The following GALNT13 variants were observed in gnomAD, a reference collection of about 807,000 sequenced individuals.
The protein encoded by GALNT13 is UDP-GalNAc:polypeptide N-acetylgalactosaminyltransferase 13.
A neutral mutation model predicts 64.2 loss-of-function variants in GALNT13; 28 were observed. That is an observed-to-expected ratio of 0.44 (90% CI 0.32 to 0.60). GALNT13 has a LOEUF of 0.60. GALNT13 is among the 20% of genes least tolerant of loss of function. GALNT13 has a pLI of 0.05. For synonymous variants in GALNT13, 214 were observed against 224.6 expected, an observed-to-expected ratio of 0.95 and a Z score of 0.42; for missense variants, 577 against 669.8, an observed-to-expected ratio of 0.86 and a Z score of 1.53.
intron 3 of GALNT13, among the ~76,000 whole-genome samples, chr2:153,997,378 T>G (rs535495781): frequency 1.4e-3 from 212 of 152,268 alleles, no homozygotes; most frequent in Admixed American, 2.2e-3. Flanking sequence ...TAGTTTTTGT[T>G]GTAGTGATCC....
the GALNT13 span, among the ~76,000 whole-genome samples, chr2:153,845,902 A>G: frequency 6.6e-6 from 1 of 152,162 alleles, no homozygotes; most frequent in Non-Finnish European, 1.5e-5. Flanking sequence ...AATAAGAGCA[A>G]AGCTGGTTTC....
intron 7 of GALNT13, among the ~76,000 whole-genome samples, chr2:154,253,723 T>C (rs1160057093): frequency 2.0e-5 from 3 of 152,218 alleles, no homozygotes; most frequent in Admixed American, 6.5e-5. Context: ...AAATCATCTT[T>C]GTTACTCATC....
the GALNT13 span, among the ~76,000 whole-genome samples, chr2:153,842,106 A>G: frequency 2.0e-5 from 3 of 152,100 alleles, no homozygotes; most frequent in African/African-American, 7.2e-5. Flanking sequence ...TGCTATTGAA[A>G]AAAAGTATAA....
At chr2:153,858,879 C>G in the GALNT13 span, among the ~76,000 whole-genome samples, 1 of 152,002 alleles carries the variant, frequency 6.6e-6, no homozygotes, top group East Asian at 1.9e-4. Context: ...ATTACAGGTG[C>G]CTGCCACCAT....
At chr2:153,349,647 C>G in the GALNT13 span, among the ~76,000 whole-genome samples, 1 of 152,092 alleles carries the variant, frequency 6.6e-6, no homozygotes, top group Admixed American at 6.6e-5. Context: ...TGTATACTGC[C>G]AATGTGGAAT....
At chr2:153,437,446 A>T in the GALNT13 span, among the ~76,000 whole-genome samples, 1 of 151,984 alleles carries the variant, frequency 6.6e-6, no homozygotes, top group African/African-American at 2.4e-5. Flanking sequence ...TCCCACTATT[A>T]TTGTGTGGGA....
At chr2:154,167,077 G>A (rs1685073442) in intron 4 of GALNT13, among the ~76,000 whole-genome samples, 1 of 152,014 alleles carries the variant, frequency 6.6e-6, no homozygotes, top group Non-Finnish European at 1.5e-5. Context: ...GTATACATAT[G>A]TAACAAACCT....
chr2:153,327,090 T>TA, the GALNT13 span, among the ~76,000 whole-genome samples: 897 of 147,024 alleles, frequency 6.1e-3, 11 homozygotes, highest in African/African-American at 0.021. Context: ...TCTCAAAAAA[T>TA]AAAAAAAAAA....
chr2:154,410,613 A>C (rs1001697158), intron 11 of GALNT13, among the ~76,000 whole-genome samples: 2 of 151,908 alleles, frequency 1.3e-5, no homozygotes, highest in African/African-American at 4.8e-5. Flanking sequence ...TTACTTGGAC[A>C]TCCCTAGTAC....
chr2:153,403,289 A>G, the GALNT13 span, among the ~76,000 whole-genome samples: 2 of 151,656 alleles, frequency 1.3e-5, no homozygotes, highest in Non-Finnish European at 2.9e-5. Context: ...GCCCGTTCTC[A>G]GATCTCCAGC....
At chr2:153,118,743 T>C in the GALNT13 span, among the ~76,000 whole-genome samples, 1 of 152,238 alleles carries the variant, frequency 6.6e-6, no homozygotes, top group African/African-American at 2.4e-5. Context: ...TTCTAGGTTA[T>C]TTATATTAAC....
chr2:154,096,712 A>G (rs1276014975), intron 3 of GALNT13, among the ~76,000 whole-genome samples: 1 of 152,124 alleles, frequency 6.6e-6, no homozygotes, highest in Non-Finnish European at 1.5e-5. Context: ...CATTAGTAGC[A>G]TAGTTATCAA....
chr2:154,330,436 T>C (rs999136591), intron 9 of GALNT13, among the ~76,000 whole-genome samples: 2 of 152,158 alleles, frequency 1.3e-5, no homozygotes, highest in Admixed American at 6.5e-5. Context: ...CATGTTCCTT[T>C]ACCTGTTGGC....
the GALNT13 span, among the ~76,000 whole-genome samples, chr2:153,183,330 T>A: frequency 6.6e-6 from 1 of 152,114 alleles, no homozygotes; most frequent in Non-Finnish European, 1.5e-5. Flanking sequence ...GGGTTTTTTT[T>A]CTCATAAATT....
chr2:153,882,376 C>A (rs1233652559), intron 1 of GALNT13, among the ~76,000 whole-genome samples: 1 of 152,062 alleles, frequency 6.6e-6, no homozygotes, highest in Non-Finnish European at 1.5e-5. Flanking sequence ...ACTCTATTTT[C>A]TATGTAAACA....
At chr2:153,430,005 G>T in the GALNT13 span, among the ~76,000 whole-genome samples, 1 of 152,214 alleles carries the variant, frequency 6.6e-6, no homozygotes, top group Non-Finnish European at 1.5e-5. Flanking sequence ...TACAGGGATT[G>T]CTTTGTATGC....
chr2:153,476,079 G>A, the GALNT13 span, among the ~76,000 whole-genome samples: 1 of 152,148 alleles, frequency 6.6e-6, no homozygotes, highest in Admixed American at 6.5e-5. Context: ...ACCCTTACCT[G>A]TTTAAAAGAC....
the GALNT13 span, among the ~76,000 whole-genome samples, chr2:153,635,699 A>G: frequency 1.1e-3 from 164 of 152,184 alleles, 1 homozygote; most frequent in African/African-American, 3.6e-3. Flanking sequence ...TGTGTCCACA[A>G]CTACTCTGTG....
chr2:153,303,108 T>C, the GALNT13 span, among the ~76,000 whole-genome samples: 1 of 152,218 alleles, frequency 6.6e-6, no homozygotes, highest in Non-Finnish European at 1.5e-5. Flanking sequence ...AGGATTGCAT[T>C]GAATCTGTAG....
Sources: allele counts gnomAD v4.1 joint callset (sites outside exome capture counted in the v4.1 genomes callset), GRCh38; gene constraint gnomAD v4.1.1; transcripts MANE v1.5; gene names NCBI Gene and HGNC (gene_info 2026-07-23, HGNC 2026-07-21).